Variants in TASP1 observed in about 807,000 individuals in gnomAD.
The protein encoded by TASP1 is taspase 1.
Under a neutral mutation model 56.6 loss-of-function variants are expected in TASP1, and 16 were observed. The ratio of observed to expected loss-of-function variants is 0.28; its 90% confidence interval spans 0.19 to 0.43. The LOEUF (loss-of-function observed/expected upper bound fraction) is 0.43, where lower values mean the gene tolerates loss of function less well. Among genes scored for constraint, TASP1 ranks in the 20% least tolerant of loss-of-function variants. The pLI is 1.00. For missense variants in TASP1, 393 were observed against 511.6 expected, an observed-to-expected ratio of 0.77 and a Z score of 2.24; for synonymous variants, 179 against 184.2, an observed-to-expected ratio of 0.97 and a Z score of 0.23.
intron 10 of TASP1, among the ~76,000 whole-genome samples, chr20:13,491,954 T>C (rs1185508785): frequency 6.6e-6 from 1 of 152,194 alleles, no homozygotes; most frequent in Non-Finnish European, 1.5e-5. Context: ...TTTTAAAATA[T>C]AACTCATAAT....
chr20:13,340,878 A>G, the TASP1 span, among the ~76,000 whole-genome samples: 5 of 152,162 alleles, frequency 3.3e-5, no homozygotes, highest in Non-Finnish European at 7.4e-5. Context: ...TCATTATCTC[A>G]TTAATTGAAT....
chr20:13,476,363 T>G (rs1050882986), intron 11 of TASP1, among the ~76,000 whole-genome samples: 2 of 152,176 alleles, frequency 1.3e-5, no homozygotes, highest in African/African-American at 4.8e-5. Flanking sequence ...TAGGACTACC[T>G]TACACAAAAA....
At chr20:13,473,257 T>C (rs909130471) in intron 11 of TASP1, among the ~76,000 whole-genome samples, 2 of 151,656 alleles carry the variant, frequency 1.3e-5, no homozygotes, top group Non-Finnish European at 2.9e-5. Flanking sequence ...AAACACCGCA[T>C]GTTCTCACTC....
the TASP1 span, among the ~76,000 whole-genome samples, chr20:13,335,231 G>A: frequency 6.6e-6 from 1 of 151,936 alleles, no homozygotes; most frequent in African/African-American, 2.4e-5. Context: ...GACCAGAGAA[G>A]AGCATAGATA....
chr20:13,307,209 C>T, the TASP1 span, among the ~76,000 whole-genome samples: 2 of 152,230 alleles, frequency 1.3e-5, no homozygotes, highest in Non-Finnish European at 2.9e-5. Context: ...CTCCCATCCC[C>T]TCGGCCACAC....
the TASP1 span, among the ~76,000 whole-genome samples, chr20:13,158,280 T>C: frequency 6.6e-6 from 1 of 152,194 alleles, no homozygotes; most frequent in Non-Finnish European, 1.5e-5. Flanking sequence ...GCTCATTATA[T>C]AAAATTTCCA....
intron 1 of TASP1, among the ~76,000 whole-genome samples, chr20:13,635,793 T>C (rs1009863658): frequency 6.6e-5 from 10 of 152,240 alleles, no homozygotes; most frequent in Non-Finnish European, 7.3e-5. Flanking sequence ...ACAAGTTTTA[T>C]GGATAGCTCA....
the TASP1 span, among the ~76,000 whole-genome samples, chr20:13,260,980 T>C: frequency 6.6e-6 from 1 of 152,108 alleles, no homozygotes; most frequent in Non-Finnish European, 1.5e-5. Context: ...GCTGCACACG[T>C]CTCTCACCAT....
the TASP1 span, among the ~76,000 whole-genome samples, chr20:13,367,918 T>C: frequency 6.6e-6 from 1 of 152,290 alleles, no homozygotes; most frequent in African/African-American, 2.4e-5. Context: ...CCCGGAGCTA[T>C]GAAAAACTGG....
the TASP1 span, among the ~76,000 whole-genome samples, chr20:13,258,762 G>A: frequency 1.3e-5 from 2 of 152,048 alleles, no homozygotes; most frequent in Admixed American, 6.5e-5. Flanking sequence ...TGAAGTGTTC[G>A]AAAGGAGTTT....
chr20:13,414,549 T>C (rs977376776), intron 13 of TASP1, among the ~76,000 whole-genome samples: 4 of 152,170 alleles, frequency 2.6e-5, no homozygotes, highest in Non-Finnish European at 4.4e-5. Flanking sequence ...CTCTACATAA[T>C]AAAAGAAACC....
At chr20:13,534,320 G>T (rs963710229) in intron 8 of TASP1, among the ~76,000 whole-genome samples, 179 bp from the exon 9 acceptor site, 1 of 143,266 alleles carries the variant, frequency 7.0e-6, no homozygotes, top group Non-Finnish European at 1.6e-5. Context: ...TCCTATTTAA[G>T]TCAAAATGTA....
the TASP1 span, among the ~76,000 whole-genome samples, chr20:13,260,651 GTC>G: frequency 5.5e-3 from 834 of 150,992 alleles, 3 homozygotes; most frequent in Non-Finnish European, 9.7e-3. Context: ...CAGAACAAGT[GTC>G]TCTTTAGGAT....
At chr20:13,292,290 G>C in the TASP1 span, 5 of 816,092 alleles carry the variant, frequency 6.1e-6, no homozygotes, top group Non-Finnish European at 1.0e-5. Flanking sequence ...CTTTGTTCAG[G>C]TGTATTTATT....
chr20:13,605,936 C>G (rs893897109), intron 4 of TASP1, among the ~76,000 whole-genome samples: 4 of 152,138 alleles, frequency 2.6e-5, no homozygotes, highest in Non-Finnish European at 5.9e-5. Flanking sequence ...TGACCCTTCC[C>G]TCCCTCTTCC....
At chr20:13,153,061 C>A in the TASP1 span, among the ~76,000 whole-genome samples, 1 of 152,176 alleles carries the variant, frequency 6.6e-6, no homozygotes, top group South Asian at 2.1e-4. Context: ...CACATTCCTG[C>A]CGAACAGCAA....
the TASP1 span, among the ~76,000 whole-genome samples, chr20:13,134,434 C>T: frequency 6.6e-6 from 1 of 152,120 alleles, no homozygotes; most frequent in Non-Finnish European, 1.5e-5. Context: ...AAAGTTCCCC[C>T]GCATGTCCCC....
the TASP1 span, among the ~76,000 whole-genome samples, chr20:13,186,607 T>C: frequency 6.6e-6 from 1 of 152,170 alleles, no homozygotes; most frequent in African/African-American, 2.4e-5. Flanking sequence ...CAACACCTTA[T>C]ACCAAGAGAG....
At chr20:13,570,419 T>C (rs2046672667) in intron 6 of TASP1, among the ~76,000 whole-genome samples, 2 of 152,058 alleles carry the variant, frequency 1.3e-5, no homozygotes, top group Admixed American at 1.3e-4. Flanking sequence ...CCACTCCCTA[T>C]TTTTTTGTTT....
Sources: allele counts gnomAD v4.1 joint callset (sites outside exome capture counted in the v4.1 genomes callset), GRCh38; gene constraint gnomAD v4.1.1; transcripts MANE v1.5; gene names NCBI Gene and HGNC (gene_info 2026-07-23, HGNC 2026-07-21).